Variants in C13orf42 observed in about 807,000 individuals in gnomAD.
C13orf42 encodes the protein uncharacterized protein C13orf42.
In C13orf42 at chr13:51,083,011, C is replaced by G. The variant is rs1264007704; in HGVS notation, c.*1140G>C. ...TGTTCAGTTCTTAGCCTGACCTTAG[C>G]CTAGAACATCCTTGGCTTAATTCAA... On this transcript the variant is annotated 3_prime_UTR_variant, in exon 4 of 4. Transcript: ENST00000563710. 3 of 152,216 alleles carry G rather than the reference C, an allele frequency of 2.0e-5. No homozygotes were observed. 9.4% of individuals were successfully genotyped at this position (152,216 alleles called of 1,614,324 possible).
intron 1 of C13orf42, among the ~76,000 whole-genome samples, chr13:51,159,402 C>G (rs1177764026): frequency 3.9e-5 from 6 of 152,168 alleles, no homozygotes; most frequent in South Asian, 2.1e-4. Flanking sequence ...AGAGGCTGAT[C>G]AAGAGCAGTC....
intron 1 of C13orf42, among the ~76,000 whole-genome samples, chr13:51,130,372 G>T (rs992499592): frequency 3.9e-5 from 6 of 152,146 alleles, no homozygotes; most frequent in African/African-American, 1.4e-4. Context: ...TGCAAAGAAG[G>T]TTATAAAGAA....
intron 1 of C13orf42, among the ~76,000 whole-genome samples, chr13:51,142,447 AAAAT>A (rs1219987572): frequency 6.6e-6 from 1 of 152,194 alleles, no homozygotes; most frequent in African/African-American, 2.4e-5. Flanking sequence ...ATAAACAACT[AAAAT>A]AAAGTAATTA....
chr13:51,141,008 T>C (rs968916149), intron 1 of C13orf42, among the ~76,000 whole-genome samples: 2 of 151,722 alleles, frequency 1.3e-5, no homozygotes, highest in Non-Finnish European at 2.9e-5. Context: ...TGAAATATGG[T>C]AATAAGATTA....
intron 1 of C13orf42, among the ~76,000 whole-genome samples, chr13:51,127,346 G>A (rs1953585105): frequency 6.6e-6 from 1 of 152,174 alleles, no homozygotes; most frequent in African/African-American, 2.4e-5. Context: ...ATATTAGTAT[G>A]ACCATTCCCA....
chr13:51,153,290 T>C (rs1253445186), intron 1 of C13orf42, among the ~76,000 whole-genome samples: 1 of 152,018 alleles, frequency 6.6e-6, no homozygotes, highest in East Asian at 1.9e-4. Context: ...CCCCTTTTCC[T>C]GCCCTCCTCA....
At chr13:51,126,774 T>C (rs112277938) in intron 1 of C13orf42, among the ~76,000 whole-genome samples, 88 of 152,320 alleles carry the variant, frequency 5.8e-4, no homozygotes, top group Middle Eastern at 3.4e-3. Flanking sequence ...GGTTGCCAGT[T>C]CTTTTTGATG....
chr13:51,116,595 T>C (rs1191834743), intron 1 of C13orf42, among the ~76,000 whole-genome samples: 1 of 152,158 alleles, frequency 6.6e-6, no homozygotes, highest in Non-Finnish European at 1.5e-5. Context: ...GAACAGAAGA[T>C]GATGTGGCAA....
chr13:51,108,993 G>C (rs964251762), intron 1 of C13orf42, among the ~76,000 whole-genome samples: 1 of 152,198 alleles, frequency 6.6e-6, no homozygotes, highest in Admixed American at 6.5e-5. Context: ...GCAGAGAAAT[G>C]TAGTACCTAG....
chr13:51,167,078 C>CAA (rs151262051), intron 1 of C13orf42, among the ~76,000 whole-genome samples: 1,959 of 145,046 alleles, frequency 0.014, 44 homozygotes, highest in African/African-American at 0.046. Flanking sequence ...GACCCCATCT[C>CAA]AAAAAAAAAA....
intron 1 of C13orf42, among the ~76,000 whole-genome samples, chr13:51,156,676 G>GA (rs1953826344): frequency 6.6e-6 from 1 of 152,186 alleles, no homozygotes; most frequent in South Asian, 2.1e-4. Flanking sequence ...AAGACTAGTG[G>GA]AAAAAATCGG....
At chr13:51,141,078 G>A (rs550627230) in intron 1 of C13orf42, among the ~76,000 whole-genome samples, 2 of 146,276 alleles carry the variant, frequency 1.4e-5, no homozygotes, top group East Asian at 4.2e-4. Flanking sequence ...TTAATTAAAA[G>A]GCTAACATCG....
intron 1 of C13orf42, among the ~76,000 whole-genome samples, chr13:51,120,195 T>C (rs974967709): frequency 1.3e-5 from 2 of 152,230 alleles, no homozygotes; most frequent in African/African-American, 2.4e-5. Flanking sequence ...CTACGTATGC[T>C]GGGCTTTTAC....
intron 1 of C13orf42, among the ~76,000 whole-genome samples, chr13:51,154,287 A>G (rs1219861192): frequency 6.6e-6 from 1 of 152,216 alleles, no homozygotes; most frequent in South Asian, 2.1e-4. Flanking sequence ...TAATGCTGCC[A>G]TGAACACGGT....
In C13orf42 at chr13:51,159,625, G is replaced by A. The variant is rs550344993; in HGVS notation, n.136+12628C>T. 2.0e-5 allele frequency among the ~76,000 whole-genome samples: 3 copies of A among 152,264 alleles called. No individual in the cohort carries two copies. The East Asian group carries it at 5.8e-4, about 29-fold the overall frequency. On this transcript the variant is annotated intron_variant and non_coding_transcript_variant, in intron 1 of 4. Coordinates refer to the C13orf42 transcript ENST00000433280. ...TGAGATCTCAGGGTTATTGAAATTG[G>A]TGATGCAAGTAAAATTCTCACATAC...
intron 1 of C13orf42, among the ~76,000 whole-genome samples, chr13:51,098,266 A>C (rs1411953003): frequency 1.3e-5 from 2 of 151,736 alleles, no homozygotes; most frequent in African/African-American, 4.8e-5. Flanking sequence ...TCTGCAAGAG[A>C]TCTAAATTCT....
intron 1 of C13orf42, among the ~76,000 whole-genome samples, chr13:51,138,701 G>A (rs1187287666): frequency 6.6e-6 from 1 of 152,110 alleles, no homozygotes; most frequent in Non-Finnish European, 1.5e-5. Context: ...ATTAAAAATA[G>A]GACAACCATA....
At chr13:51,094,952 T>C (rs60525359) in intron 1 of C13orf42, among the ~76,000 whole-genome samples, 6,655 of 152,182 alleles carry the variant, frequency 0.044, 475 homozygotes, top group African/African-American at 0.15. Flanking sequence ...ATACTGAGTC[T>C]CTTGAGATCT....
At chr13:51,143,391 A>C (rs1953711117) in intron 1 of C13orf42, among the ~76,000 whole-genome samples, 3 of 152,328 alleles carry the variant, frequency 2.0e-5, no homozygotes, top group African/African-American at 7.2e-5. Context: ...ATTGATGCAA[A>C]ACCAGTATAT....
Sources: gnomAD v4.1 joint callset for allele counts (sites outside exome capture counted in the v4.1 genomes callset) on GRCh38, gnomAD v4.1.1 for gene constraint, MANE v1.5 for transcripts, NCBI Gene and HGNC (gene_info 2026-07-23, HGNC 2026-07-21) for gene names.